Variants in CFAP47 observed in about 807,000 individuals in gnomAD.
The protein encoded by CFAP47 is cilia and flagella associated protein 47, also known as cilia- and flagella-associated protein 47.
A neutral mutation model predicts 148.1 loss-of-function variants in CFAP47; 29 were observed. The ratio of observed to expected loss-of-function variants is 0.20; its 90% confidence interval spans 0.15 to 0.27. CFAP47 has a LOEUF of 0.27. CFAP47 is among the 10% of genes least tolerant of loss of function. The probability of loss-of-function intolerance (pLI) is 1.00; values close to 1 mark genes in which losing one functional copy is unlikely to be tolerated. For synonymous variants in CFAP47, 664 were observed against 577.3 expected (o/e 1.15, Z -2.15); for missense variants, 1,872 against 1,697.5 (o/e 1.10, Z -1.81).
intron 49 of CFAP47, among the ~76,000 whole-genome samples, chrX:36,280,177 G>T (rs936306823): frequency 9.1e-6 from 1 of 110,371 alleles, no homozygotes; most frequent in Non-Finnish European, 1.9e-5. Flanking sequence ...GTTACCCAGG[G>T]GCAATAAGTA....
chrX:36,175,645 C>T (rs1160291584), intron 39 of CFAP47, among the ~76,000 whole-genome samples: 1 of 112,038 alleles, frequency 8.9e-6, no homozygotes, highest in African/African-American at 3.2e-5. Context: ...CTTAAGGAGG[C>T]AGTCTGCCCA....
intron 39 of CFAP47, among the ~76,000 whole-genome samples, chrX:36,171,678 C>T (rs1939581446): frequency 9.0e-6 from 1 of 111,575 alleles, no homozygotes; most frequent in Non-Finnish European, 1.9e-5. Flanking sequence ...GGTACCAGTA[C>T]CATACTGTTT....
chrX:36,005,298 CT>C (rs1443308821), intron 21 of CFAP47, among the ~76,000 whole-genome samples: 1 of 111,004 alleles, frequency 9.0e-6, no homozygotes, highest in African/African-American at 3.3e-5. Flanking sequence ...AGATATTTCA[CT>C]TTTTAAATAT....
chrX:36,066,232 CAG>C (rs1388286100), intron 27 of CFAP47, among the ~76,000 whole-genome samples: 1 of 110,648 alleles, frequency 9.0e-6, no homozygotes, highest in Non-Finnish European at 1.9e-5. Context: ...AGGCAAGAAA[CAG>C]GGGAGTACAT....
rs375246793 is a variant in CFAP47, at chrX:35,925,960, A to ATT, written c.250-48_250-47dup. 1.8e-4 allele frequency: 166 copies of ATT among 906,926 alleles called. No homozygotes were observed. The African/African-American group carries it at 3.0e-3, about 16-fold the overall frequency. The allele number at this position is 906,926 out of a possible 1,213,427, so 74.7% of individuals were successfully genotyped here. On this transcript the variant is annotated intron_variant, in intron 1 of 63. Coordinates refer to ENST00000378653, the MANE Select transcript of CFAP47 (RefSeq NM_001304548.2). ...GTGAGCCATTGTGCCCAGCCATGGTATTTTTTTTTTATAAGGAGTTAAAAT... is the reference window on the plus strand; with the variant it reads ...GTGAGCCATTGTGCCCAGCCATGGTATTTTTTTTTTTTATAAGGAGTTAAAAT...
At position 36,138,223 on chromosome X, in the gene CFAP47, A is replaced by G. The variant is rs186201970; in HGVS notation, c.5419-125A>G. On this transcript the variant is annotated intron_variant, in intron 34 of 63. Transcript: ENST00000378653. ...CCTTTTTGTTTATTCTTGCATTTTG[A>G]TTGCAATAATTTATTACTGACAAAT... 3.8e-4 allele frequency: 288 copies of G among 754,946 alleles called. No individual in the cohort carries two copies. In the African/African-American group the frequency reaches 5.8e-3, roughly 15 times the overall value. 62.2% of individuals were successfully genotyped at this position (754,946 alleles called of 1,213,427 possible).
At chrX:36,291,898 C>T (rs1413950880) in intron 51 of CFAP47, among the ~76,000 whole-genome samples, 5 of 110,768 alleles carry the variant, frequency 4.5e-5, no homozygotes, top group East Asian at 2.8e-4. Context: ...ACATATACGG[C>T]GGGGGAGGTG....
intron 33 of CFAP47, among the ~76,000 whole-genome samples, chrX:36,121,636 C>T (rs941559236): frequency 1.7e-4 from 19 of 111,532 alleles, no homozygotes; most frequent in Non-Finnish European, 2.8e-4. Context: ...AACAAACAAA[C>T]AAGCCAAAAG....
Position 35,975,778 on chromosome X carries a change from C to T in CFAP47, c.2578C>T (p.Pro860Ser), listed in dbSNP as rs759804004. Residue 860 changes from proline to serine, a missense_variant, in exon 15 of 64, where the codon CCA (proline) becomes TCA (serine). Coordinates refer to ENST00000378653, the MANE Select transcript of CFAP47 (RefSeq NM_001304548.2). Reference sequence around the variant, plus strand: ...ATCTTCTAATGAGCTAGTATTGAGACCACGAGGCTTCTTCATGAAAACATG... The same window carrying T: ...ATCTTCTAATGAGCTAGTATTGAGATCACGAGGCTTCTTCATGAAAACATG... ...ELSSNELVLR[P>S]RGFFMKTCFR... 2.5e-6 allele frequency: 3 copies of T among 1,210,283 alleles called. No individual in the cohort carries two copies. The South Asian group carries it at 5.3e-5, about 21-fold the overall frequency.
chrX:35,997,724 T>G (rs1029214350), intron 19 of CFAP47, among the ~76,000 whole-genome samples: 2 of 111,082 alleles, frequency 1.8e-5, no homozygotes, highest in East Asian at 5.6e-4. Context: ...ATATGAATGC[T>G]TTCATTGTTG....
At chrX:35,927,208 T>A (rs1935756350) in intron 2 of CFAP47, among the ~76,000 whole-genome samples, 1 of 110,331 alleles carries the variant, frequency 9.1e-6, no homozygotes, top group Non-Finnish European at 1.9e-5. Flanking sequence ...TAAATTTAGA[T>A]CCTCAATTAT....
At chrX:36,071,003 C>T (rs1013082390) in intron 27 of CFAP47, among the ~76,000 whole-genome samples, 25 of 112,416 alleles carry the variant, frequency 2.2e-4, no homozygotes, top group South Asian at 7.3e-4. Context: ...GAGCTGCTAC[C>T]CTCTGCCTAG....
intron 48 of CFAP47, among the ~76,000 whole-genome samples, chrX:36,237,571 C>A (rs1032781889): frequency 1.0e-3 from 116 of 111,835 alleles, no homozygotes; most frequent in Non-Finnish European, 2.0e-3. Context: ...CTCAAGTTAT[C>A]CACCCACCTT....
At chrX:36,323,258 A>G (rs1291093036) in intron 57 of CFAP47, among the ~76,000 whole-genome samples, 1 of 111,000 alleles carries the variant, frequency 9.0e-6, no homozygotes, top group Non-Finnish European at 1.9e-5. Flanking sequence ...AAAAACAAAT[A>G]AAAACCTTAA....
rs1405556201 is a variant in CFAP47 at position 36,020,147 on chromosome X, A to C, written c.3556+5235A>C. Among the ~76,000 whole-genome samples the C allele has an allele frequency of 2.7e-5, 3 of 111,895 alleles. No homozygotes were observed. The East Asian group carries it at 8.4e-4, about 31-fold the overall frequency. On this transcript the variant is annotated intron_variant, in intron 22 of 63. Coordinates refer to ENST00000378653, the MANE Select transcript of CFAP47 (RefSeq NM_001304548.2). ...CTTTCTGTGAATTTGTATAGTTTCC[A>C]AAATTCCTCTTATTATTGATTTCTT...
chrX:36,101,815 TA>T (rs1938381665), intron 32 of CFAP47, among the ~76,000 whole-genome samples: 1 of 111,821 alleles, frequency 8.9e-6, no homozygotes, highest in African/African-American at 3.2e-5. Flanking sequence ...CAGAGATTTT[TA>T]TGGACAAGTA....
chrX:35,990,350 A>T (rs939295409), intron 16 of CFAP47, among the ~76,000 whole-genome samples: 1 of 111,371 alleles, frequency 9.0e-6, no homozygotes, highest in African/African-American at 3.3e-5. Flanking sequence ...GAAAACTTGG[A>T]TTCTAGTTCC....
At position 35,919,804 on chromosome X, in the gene CFAP47, A is replaced by G; in HGVS notation, c.5A>G (p.Asn2Ser). Residue 2 changes from asparagine (N) to serine (S), a missense_variant, in exon 1 of 64, where the codon AAC (asparagine) becomes AGC (serine). Asn to Ser is a conservative substitution (Grantham distance 46, BLOSUM62 1). Transcript: ENST00000378653. M[N>S]TQKGSLTINV... ...CTGGCTACCGAGAGGGCAGCCATGA[A>G]CACCCAAAAGGGTTCCCTCACCATA... 5.0e-6 allele frequency: 6 copies of G among 1,203,041 alleles called. No individual in the cohort carries two copies. Among genetic ancestry groups the G allele is most frequent in the Non-Finnish European group, 6.7e-6 (6 of 890,482 alleles).
intron 3 of CFAP47, among the ~76,000 whole-genome samples, chrX:35,943,805 T>G (rs1286373297): frequency 2.7e-5 from 3 of 111,571 alleles, no homozygotes; most frequent in Non-Finnish European, 5.7e-5. Context: ...GCATACTTAT[T>G]TATTTATTAT....
Sources: allele counts gnomAD v4.1 joint callset (sites outside exome capture counted in the v4.1 genomes callset), GRCh38; gene constraint gnomAD v4.1.1; transcripts MANE v1.5; gene names NCBI Gene and HGNC (gene_info 2026-07-23, HGNC 2026-07-21).